LDB3: variants seen among roughly 807,000 people sequenced by gnomAD.
LDB3 encodes LIM domain-binding protein 3.
In LDB3, 49 loss-of-function variants were observed where a neutral mutation model predicts 69.0. The observed-to-expected ratio is 0.71, with a 90% confidence interval of 0.56 to 0.90. The LOEUF (loss-of-function observed/expected upper bound fraction) is 0.90. Among genes scored for constraint, LDB3 ranks in the 40% least tolerant of loss-of-function variants. The probability of loss-of-function intolerance (pLI) is 0.00; values close to 1 mark genes in which losing one functional copy is unlikely to be tolerated. For missense variants in LDB3, 928 were observed against 974.1 expected (o/e 0.95, Z 0.63); for synonymous variants, 387 against 396.2 (o/e 0.98, Z 0.28).
chr10:86,671,018 A>G (rs891011483), intron 2 of LDB3, among the ~76,000 whole-genome samples: 1 of 152,184 alleles, frequency 6.6e-6, no homozygotes, highest in African/African-American at 2.4e-5. Flanking sequence ...ACATCCCCCT[A>G]CGGGGGAGGC....
intron 5 of LDB3, among the ~76,000 whole-genome samples, chr10:86,691,036 C>T (rs896771063): frequency 3.9e-5 from 6 of 152,204 alleles, no homozygotes; most frequent in Non-Finnish European, 7.3e-5. Context: ...TCTGGTCCCC[C>T]GGCCAGGGTG....
intron 8 of LDB3, among the ~76,000 whole-genome samples, chr10:86,707,670 T>C (rs1338126744): frequency 6.6e-6 from 1 of 152,138 alleles, no homozygotes; most frequent in Non-Finnish European, 1.5e-5. Flanking sequence ...AGGACATGCC[T>C]CTTGGATCAG....
In LDB3 at chr10:86,704,220, G is replaced by A. The variant is rs541516191; in HGVS notation, c.897-2311G>A. Among the ~76,000 whole-genome samples the A allele has an allele frequency of 8.5e-5, 13 of 152,146 alleles. No individual in the cohort carries two copies. In the East Asian group the frequency reaches 2.5e-3, roughly 29 times the overall value. On this transcript the variant is annotated intron_variant, in intron 7 of 13. Coordinates refer to ENST00000361373, the MANE Select transcript of LDB3 (RefSeq NM_007078.3). ...AACTTCATTTTAACAGGATCCCCAG[G>A]GGCTTCAAGCACACATGGAAGTTTG...
chr10:86,667,699 A>G (rs1844233818), upstream of LDB3, among the ~76,000 whole-genome samples: 1 of 152,222 alleles, frequency 6.6e-6, no homozygotes, highest in Non-Finnish European at 1.5e-5. Flanking sequence ...CCAGAGCACA[A>G]AGACAGGAGA....
Position 86,699,564 on chromosome 10 carries a change from G to A in LDB3, c.897-6967G>A, listed in dbSNP as rs1242970857. On this transcript the variant is annotated intron_variant, in intron 7 of 13. Coordinates refer to ENST00000361373, the MANE Select transcript of LDB3 (RefSeq NM_007078.3). The surrounding 1 kb of genome is among the most constrained non-coding windows in gnomAD (Gnocchi z 4.9). ...AGCTGATGCTGGGGCCCAGCCCCCTGCAGCTCTGTACCCACCAAACCTCCC... is the reference window on the plus strand; with the variant it reads ...AGCTGATGCTGGGGCCCAGCCCCCTACAGCTCTGTACCCACCAAACCTCCC... 8.9e-6 allele frequency: 13 copies of A among 1,462,086 alleles called. No homozygotes were observed. The African/African-American group carries it at 1.1e-4, about 13-fold the overall frequency. The allele number at this position is 1,462,086 out of a possible 1,614,324, so 90.6% of individuals were successfully genotyped here. A position where few individuals can be genotyped will look rare whatever the true frequency, so the allele number is the denominator to read the frequency against.
chr10:86,668,843 A>G, intron 2 of LDB3, 59 bp downstream of exon 2: 2 of 1,274,728 alleles, frequency 1.6e-6, no homozygotes, highest in Non-Finnish European at 2.3e-6. Context: ...GGAGGAGGGC[A>G]TGTGTGTCCG....
At chr10:86,716,804 C>T in intron 10 of LDB3, 33 bp downstream of exon 10, 1 of 1,572,258 alleles carries the variant, frequency 6.4e-7, no homozygotes, top group Non-Finnish European at 8.6e-7. Context: ...CACTGGGGCA[C>T]TGGAAGGGCG....
At chr10:86,673,398 G>A (rs1844593828) in intron 2 of LDB3, among the ~76,000 whole-genome samples, 1 of 152,204 alleles carries the variant, frequency 6.6e-6, no homozygotes, top group Non-Finnish European at 1.5e-5. Context: ...GCGGCAGTGG[G>A]GGCAGGATGT....
chr10:86,714,599 A>G (rs1278728073), intron 9 of LDB3, among the ~76,000 whole-genome samples: 1 of 134,522 alleles, frequency 7.4e-6, no homozygotes, highest in Non-Finnish European at 1.5e-5. Flanking sequence ...TCTGTTGCCC[A>G]GGCTGGAGTG....
rs532657940 is a variant in LDB3, at chr10:86,668,689, A to G, written c.-3A>G. On this transcript the variant is annotated 5_prime_UTR_variant, in exon 2 of 14. Coordinates refer to ENST00000361373, the MANE Select transcript of LDB3 (RefSeq NM_007078.3). ...TGCAGAGGCGGCCGCTGACAGCACC[A>G]GCATGTCTTACAGTGTGACCCTGAC... is the stretch of plus-strand genomic sequence containing the variant. 1.1e-5 allele frequency: 17 copies of G among 1,612,748 alleles called. No individual in the cohort carries two copies. In the African/African-American group the frequency reaches 1.6e-4, roughly 15 times the overall value.
At position 86,734,159 on chromosome 10, in the gene LDB3, A is replaced by G. The variant is rs1262591075; in HGVS notation, c.*1183A>G. ...ACACTGAGTTTGTACAATTGTGTTA[A>G]CTGCTGGAAGGGACAGATGCACTGA... On this transcript the variant is annotated 3_prime_UTR_variant, in exon 14 of 14. Transcript: ENST00000361373. 3 of 152,216 alleles carry G rather than the reference A, an allele frequency of 2.0e-5. No homozygotes were observed. The East Asian group carries it at 5.8e-4, about 29-fold the overall frequency. 9.4% of individuals were successfully genotyped at this position (152,216 alleles called of 1,614,324 possible).
intron 12 of LDB3, among the ~76,000 whole-genome samples, chr10:86,724,463 G>A (rs1317292804): frequency 6.6e-6 from 1 of 151,676 alleles, no homozygotes; most frequent in African/African-American, 2.4e-5. Flanking sequence ...ATATAGCTGG[G>A]TGTGGTGGCG....
chr10:86,696,149 T>C (rs1174408892), intron 7 of LDB3, among the ~76,000 whole-genome samples: 2 of 152,104 alleles, frequency 1.3e-5, no homozygotes, highest in Non-Finnish European at 2.9e-5. Flanking sequence ...GCTCCCCCTC[T>C]TCCCTCCTGC....
chr10:86,710,238 G>C (rs968831073), intron 9 of LDB3, 188 bp downstream of exon 9: 2 of 985,324 alleles, frequency 2.0e-6, no homozygotes, highest in South Asian at 4.7e-5. Context: ...TGGTCTGGGG[G>C]AGACAGGTGA....
At chr10:86,683,386 A>C (rs368201840) in intron 5 of LDB3, among the ~76,000 whole-genome samples, 2 of 152,210 alleles carry the variant, frequency 1.3e-5, no homozygotes, top group East Asian at 3.8e-4. Context: ...AGAGCAAGTA[A>C]TTTGCCCAAG....
In LDB3 at chr10:86,670,507, C is replaced by T. The variant is rs114865537; in HGVS notation, c.93+1723C>T. ...CCTGCTGGTGCTCCCTGCCCTATCC[C>T]TATGGGTGCAAATTGGCCACTGGGC... On this transcript the variant is annotated intron_variant, in intron 2 of 13. Transcript: ENST00000361373. Among the ~76,000 whole-genome samples the T allele has an allele frequency of 1.8e-3, 270 of 152,304 alleles. 2 individuals are homozygous for T. Among genetic ancestry groups the T allele is most frequent in the African/African-American group, 6.3e-3 (263 of 41,570 alleles).
chr10:86,678,284 G>A (rs1268901847), intron 2 of LDB3, among the ~76,000 whole-genome samples: 1 of 150,420 alleles, frequency 6.6e-6, no homozygotes, highest in Non-Finnish European at 1.5e-5. Flanking sequence ...TGATCTGCCT[G>A]CCTCAGCCTC....
chr10:86,696,769 C>T (rs758954331), intron 7 of LDB3, among the ~76,000 whole-genome samples: 2 of 152,204 alleles, frequency 1.3e-5, no homozygotes, highest in Non-Finnish European at 2.9e-5. Context: ...ATGGACTTTG[C>T]TCATGCCATC....
At chr10:86,670,458 C>G (rs1844407315) in intron 2 of LDB3, among the ~76,000 whole-genome samples, 1 of 152,152 alleles carries the variant, frequency 6.6e-6, no homozygotes, top group African/African-American at 2.4e-5. Context: ...CCACATCTCC[C>G]CCAGCTCCAC....
Sources: gnomAD v4.1 joint callset for allele counts (sites outside exome capture counted in the v4.1 genomes callset) on GRCh38, gnomAD v4.1.1 for gene constraint, Gnocchi (gnomAD v3.1) non-coding constraint, MANE v1.5 for transcripts, NCBI Gene and HGNC (gene_info 2026-07-23, HGNC 2026-07-21) for gene names.